HK1: variants seen among roughly 807,000 people sequenced by gnomAD.
HK1 encodes hexokinase 1.
Under a neutral mutation model 91.6 loss-of-function variants are expected in HK1, and 28 were observed. The ratio of observed to expected loss-of-function variants is 0.31; its 90% confidence interval spans 0.23 to 0.42. The LOEUF (loss-of-function observed/expected upper bound fraction) is 0.42. HK1 is among the 10% of genes least tolerant of loss of function. The probability of loss-of-function intolerance (pLI) is 1.00; values close to 1 mark genes in which losing one functional copy is unlikely to be tolerated. For missense variants in HK1, 770 were observed against 1,219.8 expected (o/e 0.63, Z 5.49); for synonymous variants, 430 against 468.1 (o/e 0.92, Z 1.05).
chr10:69,338,529 C>T, intron 1 of HK1: 1 of 1,289,678 alleles, frequency 7.8e-7, no homozygotes, highest in Non-Finnish European at 1.0e-6. Context: ...GCAGTGGAAG[C>T]AGCTGGAAGT....
intron 7 of HK1, among the ~76,000 whole-genome samples, chr10:69,370,395 T>C (rs761405301): frequency 6.6e-6 from 1 of 152,234 alleles, no homozygotes; most frequent in Non-Finnish European, 1.5e-5. Flanking sequence ...GGTTCAAAAA[T>C]GCTTCCCCAA....
chr10:69,272,163 C>T (rs981233393), intron 1 of HK1, among the ~76,000 whole-genome samples: 1 of 152,184 alleles, frequency 6.6e-6, no homozygotes, highest in African/African-American at 2.4e-5. Context: ...TGCGCCTGAC[C>T]CAATATATTT....
At chr10:69,363,927 C>T (rs1331492374) in intron 3 of HK1, among the ~76,000 whole-genome samples, 3 of 152,198 alleles carry the variant, frequency 2.0e-5, no homozygotes, top group Admixed American at 6.5e-5. Context: ...GAATACTGTG[C>T]GGCAATGAGA....
At position 69,359,965 on chromosome 10, in the gene HK1, C is replaced by A. The variant is rs1364278924; in HGVS notation, c.295C>A (p.His99Asn). The change falls in exon 3 of 18, where the codon CAT becomes AAT. Residue 99 changes from histidine (H) to asparagine (N), a missense_variant. Physicochemically the swap from His to Asn is moderately conservative, Grantham distance 68. Transcript: ENST00000359426. ...TCGAATTCTGCGGGTGCAAGTGAAT[C>A]ATGAGAAAAACCAGAATGTTCACAT... is the stretch of plus-strand genomic sequence containing the variant. The part of the protein sequence containing the change: ...SFRILRVQVN[H>N]EKNQNVHMES... The A allele has an allele frequency of 9.3e-6, 15 of 1,614,022 alleles. No individual in the cohort carries two copies. The highest frequency in any genetic ancestry group is 1.2e-5 in the Non-Finnish European group (14 of 1,179,870).
At chr10:69,400,286 A>G (rs1490954845) in intron 17 of HK1, among the ~76,000 whole-genome samples, 1 of 152,164 alleles carries the variant, frequency 6.6e-6, no homozygotes, top group African/African-American at 2.4e-5. Flanking sequence ...GTCCCCAACC[A>G]AGGACAGTGA....
chr10:69,302,843 G>A (rs1010954913), intron 5 of HK1, among the ~76,000 whole-genome samples: 7 of 152,042 alleles, frequency 4.6e-5, no homozygotes, highest in African/African-American at 1.4e-4. Context: ...AATTCTTAGG[G>A]TTTGGTAACA....
At chr10:69,331,431 G>A (rs1847710692) in intron 1 of HK1, among the ~76,000 whole-genome samples, 1 of 152,244 alleles carries the variant, frequency 6.6e-6, no homozygotes, top group South Asian at 2.1e-4. Context: ...CTGGGGCTGT[G>A]TGTCCAGAAT....
chr10:69,382,914 A>G (rs1839464591), intron 10 of HK1, 123 bp downstream of exon 10: 1 of 853,632 alleles, frequency 1.2e-6, no homozygotes, highest in Non-Finnish European at 1.9e-6. Context: ...TGCCAGAGCT[A>G]GAAACTCCCT....
At position 69,369,349 on chromosome 10, in the gene HK1, C is replaced by G. The variant is rs41279654; in HGVS notation, c.691+13C>G. On this transcript the variant is annotated intron_variant, in intron 6 of 17. Transcript: ENST00000359426. This position sits in a 1 kb window ranked among gnomAD's most constrained non-coding sequence, Gnocchi z 4.4. ...GGCCTGATCATCGGTAATGCATTCC[C>G]CTTTGCCCATCCATTTGTTCGGCCC... 10 of 1,613,610 alleles carry G rather than the reference C, an allele frequency of 6.2e-6. No individual in the cohort carries two copies. In the South Asian group the frequency reaches 1.1e-4, roughly 18 times the overall value.
chr10:69,324,813 C>T (rs527355242), intron 1 of HK1, among the ~76,000 whole-genome samples: 1 of 152,258 alleles, frequency 6.6e-6, no homozygotes, highest in East Asian at 1.9e-4. Flanking sequence ...CAGGTGCCCA[C>T]TGCCTTCTGG....
chr10:69,371,782 CTG>C (rs538998516), intron 7 of HK1, among the ~76,000 whole-genome samples: 47 of 152,178 alleles, frequency 3.1e-4, no homozygotes, highest in Non-Finnish European at 5.4e-4. Flanking sequence ...AAACTATAAA[CTG>C]TGTTTACAGT....
chr10:69,385,519 G>A (rs1839590225), intron 12 of HK1, among the ~76,000 whole-genome samples: 1 of 152,186 alleles, frequency 6.6e-6, no homozygotes, highest in African/African-American at 2.4e-5. Context: ...AGTGGATTCT[G>A]GGCAGAAGGA....
chr10:69,396,092 C>T (rs1028585812), intron 16 of HK1, among the ~76,000 whole-genome samples: 2 of 151,750 alleles, frequency 1.3e-5, no homozygotes, highest in Non-Finnish European at 2.9e-5. Flanking sequence ...GTTAACATGG[C>T]AAGACCCCAT....
intron 10 of HK1, among the ~76,000 whole-genome samples, chr10:69,383,129 G>A (rs1041745283): frequency 6.6e-6 from 1 of 151,990 alleles, no homozygotes; most frequent in Non-Finnish European, 1.5e-5. Context: ...TTGAGCCCAG[G>A]AGTTCAAGAC....
chr10:69,319,174 C>T, intron 1 of HK1, 164 bp downstream of exon 1: 1 of 837,768 alleles, frequency 1.2e-6, no homozygotes, highest in Admixed American at 2.1e-5. Context: ...ATTCTACCGG[C>T]ATTGTCAGTG....
At chr10:69,287,426 T>C (rs370544499) in intron 2 of HK1, among the ~76,000 whole-genome samples, 41 of 152,348 alleles carry the variant, frequency 2.7e-4, no homozygotes, top group African/African-American at 9.1e-4. Context: ...ACTATGGGGA[T>C]TATAATTCAA....
chr10:69,395,471 G>A (rs1840091828), intron 16 of HK1, among the ~76,000 whole-genome samples: 1 of 152,128 alleles, frequency 6.6e-6, no homozygotes, highest in South Asian at 2.1e-4. Context: ...CCAGCTACTT[G>A]GGAGGCTGAG....
chr10:69,384,442 C>T lies in HK1; in HGVS notation c.1680C>T (p.Tyr560=), dbSNP rs199870318. The T allele has an allele frequency of 9.5e-5, 154 of 1,614,240 alleles. No homozygotes were observed. In the East Asian group the frequency reaches 1.7e-3, roughly 18 times the overall value. Residue 560 remains tyrosine (Y), a synonymous_variant, in exon 11 of 18, where the codon TAC becomes TAT. Coordinates refer to ENST00000359426, the MANE Select transcript of HK1 (RefSeq NM_000188.3). ...CGGTGGAAATGCACAACAAGATCTACGCCATTCCTATTGAAATCATGCAGG... is the reference window on the plus strand; with the variant it reads ...CGGTGGAAATGCACAACAAGATCTATGCCATTCCTATTGAAATCATGCAGG... ...KRTVEMHNKI[Y]AIPIEIMQGT... is the part of the protein sequence containing the mutation.
chr10:69,274,045 T>A (rs1041911994), intron 1 of HK1, among the ~76,000 whole-genome samples: 8 of 152,160 alleles, frequency 5.3e-5, no homozygotes, highest in Non-Finnish European at 8.8e-5. Context: ...ATGTAGATAT[T>A]ATTTTTCACC....
Sources: allele counts gnomAD v4.1 joint callset (sites outside exome capture counted in the v4.1 genomes callset), GRCh38; gene constraint gnomAD v4.1.1; non-coding constraint Gnocchi (gnomAD v3.1); transcripts MANE v1.5; gene names NCBI Gene and HGNC (gene_info 2026-07-23, HGNC 2026-07-21).